NSUN5: variants seen among roughly 807,000 people sequenced by gnomAD.
NSUN5 encodes NOP2/Sun RNA methyltransferase 5, also known as 28S rRNA (cytosine-C(5))-methyltransferase.
Under a neutral mutation model 51.1 loss-of-function variants are expected in NSUN5, and 39 were observed. That is an observed-to-expected ratio of 0.76 (90% CI 0.59 to 1.00). The LOEUF (loss-of-function observed/expected upper bound fraction) is 1.00, where lower values mean the gene tolerates loss of function less well. NSUN5 is among the 50% of genes least tolerant of loss of function. The pLI, the probability that NSUN5 is intolerant of heterozygous loss-of-function variation, is 0.00. For synonymous variants in NSUN5, 266 were observed against 271.5 expected (o/e 0.98, Z 0.20); for missense variants, 526 against 614.0 (o/e 0.86, Z 1.51).
Position 73,308,568 on chromosome 7 carries a change from A to T in NSUN5, c.94-15T>A. On this transcript the variant is annotated splice_polypyrimidine_tract_variant and intron_variant, in intron 1 of 9. Transcript: ENST00000438747. ...TGCTTCACGTTCTGTGTGGCCGAGGAAGACAAGCTGGGTGGGGGCTCCCCC... is the reference window on the plus strand; with the variant it reads ...TGCTTCACGTTCTGTGTGGCCGAGGTAGACAAGCTGGGTGGGGGCTCCCCC... 1 of 1,593,882 alleles carries T rather than the reference A, an allele frequency of 6.3e-7. No homozygotes were observed. The highest frequency in any genetic ancestry group is 8.6e-7 in the Non-Finnish European group (1 of 1,165,170).
chr7:73,303,964 C>T lies in NSUN5; in HGVS notation c.1007G>A (p.Gly336Glu), dbSNP rs1274681506. The change falls in exon 8 of 10, where the codon GGG becomes GAG. Residue 336 changes from glycine to glutamate, a missense_variant. Transcript: ENST00000438747. ...PSPVRLHALA[G>E]FQQRALCHAL... The stretch of plus-strand genomic sequence containing the variant: ...GTGGCACAGGGCTCGCTGCTGGAAC[C>T]CTGCCAGGGCATGCAGACGCACCGG... 2 of 1,614,154 alleles carry T rather than the reference C, an allele frequency of 1.2e-6. No homozygotes were observed. The highest frequency in any genetic ancestry group is 2.2e-5 in the East Asian group (1 of 44,882).
At chr7:73,306,315 C>G (rs1329952152) in intron 4 of NSUN5, among the ~76,000 whole-genome samples, 1 of 135,050 alleles carries the variant, frequency 7.4e-6, no homozygotes, top group Non-Finnish European at 1.5e-5. Context: ...ACCCAGGAGG[C>G]AGAGGTTGCA....
At chr7:73,306,176 G>C (rs781858231) in intron 4 of NSUN5, among the ~76,000 whole-genome samples, 10 of 151,910 alleles carry the variant, frequency 6.6e-5, no homozygotes, top group Admixed American at 2.6e-4. Context: ...CTGAAGTCAG[G>C]AGCCTCGAGA....
chr7:73,307,518 T>G lies in NSUN5; in HGVS notation c.392-16A>C. On this transcript the variant is annotated splice_polypyrimidine_tract_variant and intron_variant, in intron 3 of 9. Coordinates refer to ENST00000438747, the MANE Select transcript of NSUN5 (RefSeq NM_148956.4). Reference sequence around the variant, plus strand: ...AGCTGGGAGGCTACGTAGGACGCAATGAGCAGTGAGTAGGCAGGAGCAAAG... The same window carrying G: ...AGCTGGGAGGCTACGTAGGACGCAAGGAGCAGTGAGTAGGCAGGAGCAAAG... 1 of 1,613,952 alleles carries G rather than the reference T, an allele frequency of 6.2e-7. No individual in the cohort carries two copies. Among genetic ancestry groups the G allele is most frequent in the Non-Finnish European group, 8.5e-7 (1 of 1,179,906 alleles).
intron 4 of NSUN5, among the ~76,000 whole-genome samples, chr7:73,306,076 A>G (rs1554541778): frequency 6.6e-6 from 1 of 152,188 alleles, no homozygotes; most frequent in Non-Finnish European, 1.5e-5. Flanking sequence ...GGGACAGCAC[A>G]GTGGAGCCAA....
Position 73,307,672 on chromosome 7 carries a change from C to G in NSUN5, c.302G>C (p.Arg101Thr), listed in dbSNP as rs782499775. Residue 101 changes from arginine (R) to threonine (T), a missense_variant, in exon 3 of 10, where the codon AGG becomes ACG. Coordinates refer to ENST00000438747, the MANE Select transcript of NSUN5 (RefSeq NM_148956.4). ...GAGCCGAGCCAACTCAGCCTTGAGCCTCGCCTGGTGCCGGCCCAACAGAGC... is the reference window on the plus strand; with the variant it reads ...GAGCCGAGCCAACTCAGCCTTGAGCGTCGCCTGGTGCCGGCCCAACAGAGC... The part of the protein sequence containing the change: ...WKALLGRHQA[R>T]LKAELARLKV... 2 of 1,613,130 alleles carry G rather than the reference C, an allele frequency of 1.2e-6. No individual in the cohort carries two copies. The highest frequency in any genetic ancestry group is 1.1e-5 in the South Asian group (1 of 90,970).
intron 6 of NSUN5, 98 bp downstream of exon 6, chr7:73,304,649 A>G (rs1414037647): frequency 6.3e-6 from 7 of 1,114,696 alleles, no homozygotes; most frequent in East Asian, 2.4e-5. Flanking sequence ...TGGTGCAGCA[A>G]GAAAGACTTA....
chr7:73,304,876 C>A lies in NSUN5; in HGVS notation c.640-14G>T. 1 of 1,613,866 alleles carries A rather than the reference C, an allele frequency of 6.2e-7. No individual in the cohort carries two copies. ...GAGACAGCTGGCCTGGCAGGCAGAG[C>A]ACAGGAGCCAGGTAAACAGAGACCC... On this transcript the variant is annotated splice_polypyrimidine_tract_variant and intron_variant, in intron 5 of 9. Transcript: ENST00000438747.
At chr7:73,304,197 G>A (rs1307965130) in intron 7 of NSUN5, 33 bp downstream of exon 7, 27 of 1,581,002 alleles carry the variant, frequency 1.7e-5, no homozygotes, top group African/African-American at 1.2e-4. Context: ...GTGGATCTGC[G>A]AGTCCCTCGG....
Position 73,303,209 on chromosome 7 carries a change from T to A in NSUN5, c.*206A>T. 2.0e-6 allele frequency: 3 copies of A among 1,495,644 alleles called. No homozygotes were observed. The highest frequency in any genetic ancestry group is 1.4e-5 in the South Asian group (1 of 73,214). The allele number at this position is 1,495,644 out of a possible 1,614,324, so 92.6% of individuals were successfully genotyped here. On this transcript the variant is annotated 3_prime_UTR_variant, in exon 10 of 10. Coordinates refer to ENST00000438747, the MANE Select transcript of NSUN5 (RefSeq NM_148956.4). ...TTTCTCCTGCTTGTGACATTAAGAATAAAAAACTGTGATCTATCGTAGAGT... is the reference window on the plus strand; with the variant it reads ...TTTCTCCTGCTTGTGACATTAAGAAAAAAAAACTGTGATCTATCGTAGAGT...
intron 1 of NSUN5, 54 bp from the exon 2 acceptor site, chr7:73,308,607 G>C: frequency 1.3e-6 from 2 of 1,585,880 alleles, no homozygotes. Context: ...CCTCCTCGCC[G>C]GGCCCCACCT....
In NSUN5 at chr7:73,307,849, G is replaced by T; in HGVS notation, c.217-92C>A. On this transcript the variant is annotated intron_variant, in intron 2 of 9. Coordinates refer to ENST00000438747, the MANE Select transcript of NSUN5 (RefSeq NM_148956.4). Reference sequence around the variant, plus strand: ...TAACTCTAATGGAGCCCCGGCAATGGAATGGCTAAACAGATCACCTGACAA... The same window carrying T: ...TAACTCTAATGGAGCCCCGGCAATGTAATGGCTAAACAGATCACCTGACAA... 3.4e-6 allele frequency: 4 copies of T among 1,163,750 alleles called. No homozygotes were observed. The South Asian group carries it at 6.3e-5, about 18-fold the overall frequency. 72.1% of individuals were successfully genotyped at this position (1,163,750 alleles called of 1,614,324 possible).
chr7:73,308,215 C>T (rs1804126392), intron 2 of NSUN5: 2 of 614,934 alleles, frequency 3.3e-6, no homozygotes, highest in East Asian at 3.0e-5. Flanking sequence ...CAGTCTCCGC[C>T]ACTACCACTT....
rs370620770 is a variant in NSUN5 at position 73,303,878 on chromosome 7, C to T, written c.1093G>A (p.Glu365Lys). Residue 365 changes from glutamate to lysine, a missense_variant, in exon 8 of 10, where the codon GAG becomes AAG. Transcript: ENST00000438747. Reference sequence around the variant, plus strand: ...GCATCTCGCACCACGTCTTCATTCTCCTCCTGGCAGAGGGAGCACGTGGAG... The same window carrying T: ...GCATCTCGCACCACGTCTTCATTCTTCTCCTGGCAGAGGGAGCACGTGGAG... ...VYSTCSLCQE[E>K]NEDVVRDALQ... 3.7e-6 allele frequency: 6 copies of T among 1,613,894 alleles called. No individual in the cohort carries two copies. The highest frequency in any genetic ancestry group is 4.5e-5 in the East Asian group (2 of 44,870).
At position 73,303,326 on chromosome 7, in the gene NSUN5, C is replaced by T. The variant is rs1803875624; in HGVS notation, c.*89G>A. 1.2e-6 allele frequency: 2 copies of T among 1,614,012 alleles called. No individual in the cohort carries two copies. Among genetic ancestry groups the T allele is most frequent in the South Asian group, 2.2e-5 (2 of 91,084 alleles). On this transcript the variant is annotated 3_prime_UTR_variant, in exon 10 of 10. Coordinates refer to ENST00000438747, the MANE Select transcript of NSUN5 (RefSeq NM_148956.4). ...ACCCAATAACCTTTCAAAACCCAAA[C>T]TGCTTCCTGCGGTGAGGGCCCAGGG...
In NSUN5 at chr7:73,305,052, G is replaced by A. The variant is rs1803982598; in HGVS notation, c.546C>T (p.Asp182=). ...ACACCAGCAGCTCCGGCATCAAGGG[G>A]TCCAGGAGAAAATGCTTCCCCTTGA... ...RALKGKHFLL[D]PLMPELLVFP... is the part of the protein sequence containing the mutation. Residue 182 remains aspartate (D), a synonymous_variant, in exon 5 of 10, where the codon GAC becomes GAT. Coordinates refer to ENST00000438747, the MANE Select transcript of NSUN5 (RefSeq NM_148956.4). 4 of 1,609,238 alleles carry A rather than the reference G, an allele frequency of 2.5e-6. No homozygotes were observed. The highest frequency in any genetic ancestry group is 3.4e-6 in the Non-Finnish European group (4 of 1,176,800).
Position 73,304,269 on chromosome 7 carries a change from C to G in NSUN5, c.895G>C (p.Val299Leu), listed in dbSNP as rs782686603. Residue 299 changes from valine (V) to leucine (L), a missense_variant, in exon 7 of 10, where the codon GTC becomes CTC. Physicochemically the swap from Val to Leu is conservative, Grantham distance 32. Coordinates refer to ENST00000438747, the MANE Select transcript of NSUN5 (RefSeq NM_148956.4). ...GAAGGATCCAGCAGGATGTAGTGGA[C>G]CTCATGGTAGCGTGGATCCGAGGGG... Reference protein sequence around the residue: ...VSPSDPRYHEVHYILLDPSCS... With the variant: ...VSPSDPRYHELHYILLDPSCS... The G allele has an allele frequency of 3.7e-6, 6 of 1,614,026 alleles. No individual in the cohort carries two copies. In the Admixed American group the frequency reaches 8.3e-5, roughly 22 times the overall value.
chr7:73,303,241 T>C lies in NSUN5; in HGVS notation c.*174A>G, dbSNP rs1554540945. ...CTGTGATCTATCGTAGAGTACGTTC[T>C]GCATTTTATTTTTGCAGGCAACACT... On this transcript the variant is annotated 3_prime_UTR_variant, in exon 10 of 10. Coordinates refer to ENST00000438747, the MANE Select transcript of NSUN5 (RefSeq NM_148956.4). 3.8e-6 allele frequency: 6 copies of C among 1,592,654 alleles called. No individual in the cohort carries two copies. The highest frequency in any genetic ancestry group is 3.4e-6 in the Non-Finnish European group (4 of 1,167,892).
At chr7:73,308,661 AC>A in intron 1 of NSUN5, 36 bp downstream of exon 1, 1 of 1,417,900 alleles carries the variant, frequency 7.1e-7, no homozygotes, top group Non-Finnish European at 9.4e-7. Context: ...CGGGTTCCTC[AC>A]TCCCCACCCC....
Sources: gnomAD v4.1 joint callset for allele counts (sites outside exome capture counted in the v4.1 genomes callset) on GRCh38, gnomAD v4.1.1 for gene constraint, MANE v1.5 for transcripts, NCBI Gene and HGNC (gene_info 2026-07-23, HGNC 2026-07-21) for gene names.